The following EIF2D variants were observed in gnomAD, a reference collection of about 807,000 sequenced individuals.
EIF2D encodes the protein eukaryotic translation initiation factor 2D.
A neutral mutation model predicts 77.4 loss-of-function variants in EIF2D; 56 were observed. The observed-to-expected ratio is 0.72, with a 90% confidence interval of 0.58 to 0.90. The LOEUF is 0.90. Among genes scored for constraint, EIF2D ranks in the 40% least tolerant of loss-of-function variants. The pLI is 0.00. For synonymous variants in EIF2D, 230 were observed against 271.0 expected (o/e 0.85, Z 1.49); for missense variants, 574 against 706.5 (o/e 0.81, Z 2.13).
At position 206,599,506 on chromosome 1, in the gene EIF2D, C is replaced by T. The variant is rs1669814071; in HGVS notation, c.1159G>A (p.Val387Ile). Reference protein sequence around the residue: ...HPPDIKPLYCVPASMTLLFQE... With the variant: ...HPPDIKPLYCIPASMTLLFQE... ...AAGAGCAGGGTCATGCTGGCTGGGA[C>T]ACAGTAGAGGGGTTTTATATCTGGA... The change falls in exon 10 of 15, where the codon GTC becomes ATC. Residue 387 changes from valine to isoleucine, a missense_variant. Physicochemically the swap from Val to Ile is conservative, Grantham distance 29. Transcript: ENST00000271764. The surrounding 1 kb of genome is among the most constrained non-coding windows in gnomAD (Gnocchi z 4.1). The T allele has an allele frequency of 6.2e-7, 1 of 1,613,838 alleles. No individual in the cohort carries two copies. Among genetic ancestry groups the T allele is most frequent in the African/African-American group, 1.3e-5 (1 of 75,010 alleles).
At chr1:206,582,597 TCTC>T (rs1225585100) in intron 2 of EIF2D, among the ~76,000 whole-genome samples, 9 of 152,346 alleles carry the variant, frequency 5.9e-5, no homozygotes, top group African/African-American at 1.9e-4. Flanking sequence ...TAGCGGTTTA[TCTC>T]CTCTTTTATG....
At chr1:206,583,567 G>A in intron 2 of EIF2D, 1 of 577,762 alleles carries the variant, frequency 1.7e-6, no homozygotes, top group Non-Finnish European at 3.1e-6. Context: ...TGTGCTTTAG[G>A]GAAATAGATC....
Position 206,579,898 on chromosome 1 carries a change from C to G in EIF2D, c.*254+794G>C, listed in dbSNP as rs1553405917. On this transcript the variant is annotated intron_variant and NMD_transcript_variant, in intron 4 of 5. Transcript: ENST00000472709. This position sits in a 1 kb window ranked among gnomAD's most constrained non-coding sequence, Gnocchi z 4.2. ...GAGGTGATTCATTTGGTCCATGGGTCACATCTTGTCTGCCAGATATTTTTG... is the reference window on the plus strand; with the variant it reads ...GAGGTGATTCATTTGGTCCATGGGTGACATCTTGTCTGCCAGATATTTTTG... Among the ~76,000 whole-genome samples, 1 of 152,202 alleles carries G rather than the reference C, an allele frequency of 6.6e-6. No homozygotes were observed. Among genetic ancestry groups the G allele is most frequent in the African/African-American group, 2.4e-5 (1 of 41,448 alleles).
At chr1:206,593,506 A>AGAGTGTGTGTGT (rs1669479791) in intron 14 of EIF2D, 113 bp downstream of exon 14, 2 of 442,730 alleles carry the variant, frequency 4.5e-6, no homozygotes, top group Non-Finnish European at 7.2e-6. Flanking sequence ...AGAGAGAGAG[A>AGAGTGTGTGTGT]GAGTGTGTGT....
intron 5 of EIF2D, among the ~76,000 whole-genome samples, chr1:206,572,186 G>A (rs936150774): frequency 4.8e-5 from 7 of 146,844 alleles, no homozygotes; most frequent in East Asian, 4.2e-4. Flanking sequence ...GGGTGCATGC[G>A]TGTTACTGCT....
Position 206,599,497 on chromosome 1 carries a change from T to G in EIF2D, c.1168A>C (p.Ser390Arg), listed in dbSNP as rs1669813516. ...GACTCCTGGAAGAGCAGGGTCATGCTGGCTGGGACACAGTAGAGGGGTTTT... is the reference window on the plus strand; with the variant it reads ...GACTCCTGGAAGAGCAGGGTCATGCGGGCTGGGACACAGTAGAGGGGTTTT... ...DIKPLYCVPA[S>R]MTLLFQESGH... The change falls in exon 10 of 15, where the codon AGC (serine) becomes CGC (arginine). Residue 390 changes from serine to arginine, a missense_variant. Ser to Arg is a moderately radical substitution (Grantham distance 110, BLOSUM62 -1). Coordinates refer to ENST00000271764, the MANE Select transcript of EIF2D (RefSeq NM_006893.3). This position sits in a 1 kb window ranked among gnomAD's most constrained non-coding sequence, Gnocchi z 4.1. The G allele has an allele frequency of 6.2e-7, 1 of 1,613,862 alleles. No homozygotes were observed. The highest frequency in any genetic ancestry group is 2.2e-5 in the East Asian group (1 of 44,896).
chr1:206,574,014 C>G (rs538172499), intron 4 of EIF2D, among the ~76,000 whole-genome samples: 5 of 152,348 alleles, frequency 3.3e-5, no homozygotes, highest in African/African-American at 1.2e-4. Context: ...TAAATGAGAT[C>G]AGGACCTTGA....
At chr1:206,585,180 T>C (rs1292180361) in intron 2 of EIF2D, 4 of 1,612,540 alleles carry the variant, frequency 2.5e-6, no homozygotes, top group Non-Finnish European at 3.4e-6. Context: ...TGGTTTGCAG[T>C]GCTCTTCCAG....
intron 8 of EIF2D, among the ~76,000 whole-genome samples, 199 bp from the exon 9 acceptor site, chr1:206,600,035 T>C (rs1669846400): frequency 1.3e-5 from 2 of 152,062 alleles, no homozygotes; most frequent in Non-Finnish European, 2.9e-5. Context: ...AGTGAGGCCG[T>C]TCAGAACTCT....
In EIF2D at chr1:206,593,659, G is replaced by C; in HGVS notation, c.1644C>G (p.Ile548Met). Residue 548 changes from isoleucine to methionine, a missense_variant, in exon 14 of 15, where the codon ATC (isoleucine) becomes ATG (methionine). Coordinates refer to ENST00000271764, the MANE Select transcript of EIF2D (RefSeq NM_006893.3). ...PGAKDSLQVQ[I>M]QGNQVHHLGW... is the part of the protein sequence containing the mutation. ...CGAGGTGGTGGACCTGGTTTCCCTG[G>C]ATCTGCACCTGAAGGCTGTCCTTGG... The C allele has an allele frequency of 6.2e-7, 1 of 1,613,222 alleles. No individual in the cohort carries two copies. Among genetic ancestry groups the C allele is most frequent in the Middle Eastern group, 1.7e-4 (1 of 6,018 alleles).
chr1:206,582,814 C>A (rs1668946196), intron 2 of EIF2D, among the ~76,000 whole-genome samples: 1 of 152,220 alleles, frequency 6.6e-6, no homozygotes, highest in South Asian at 2.1e-4. Context: ...AGACGCCTGT[C>A]CCTCCAGCTG....
intron 5 of EIF2D, 66 bp downstream of exon 5, chr1:206,605,334 T>C (rs1364083897): frequency 2.3e-6 from 3 of 1,285,042 alleles, no homozygotes; most frequent in East Asian, 4.8e-5. Flanking sequence ...CACTCCTGAA[T>C]CACAGGCCCC....
rs570469257 is a variant in EIF2D at position 206,599,242 on chromosome 1, C to A, written c.1203-150G>T. 4 of 882,818 alleles carry A rather than the reference C, an allele frequency of 4.5e-6. No homozygotes were observed. The East Asian group carries it at 7.6e-5, about 17-fold the overall frequency. 54.7% of individuals were successfully genotyped at this position (882,818 alleles called of 1,614,324 possible). On this transcript the variant is annotated intron_variant, in intron 10 of 14. Transcript: ENST00000271764. The surrounding 1 kb of genome is among the most constrained non-coding windows in gnomAD (Gnocchi z 4.1). ...CTTTTCCTGACTGAAGTGAGCATGA[C>A]CATGTGAAGAATAATTACACGCAGA...
Position 206,584,898 on chromosome 1 carries a change from C to G in EIF2D, c.139-3736G>C. On this transcript the variant is annotated intron_variant and NMD_transcript_variant, in intron 2 of 5. Transcript: ENST00000472709. This position sits in a 1 kb window ranked among gnomAD's most constrained non-coding sequence, Gnocchi z 4.9. ...CATGTGACTTCAGGAAAACCACACC[C>G]TAGGCTCCCATTTCCTGATCTGTGC... The G allele has an allele frequency of 1.7e-6, 1 of 605,556 alleles. No homozygotes were observed. The highest frequency in any genetic ancestry group is 2.0e-5 in the South Asian group (1 of 50,016). The allele number at this position is 605,556 out of a possible 1,614,324, so 37.5% of individuals were successfully genotyped here.
chr1:206,608,658 A>G (rs1308649908), intron 3 of EIF2D, among the ~76,000 whole-genome samples: 2 of 152,196 alleles, frequency 1.3e-5, no homozygotes, highest in African/African-American at 4.8e-5. Flanking sequence ...CCCATCCAAT[A>G]GCAGGACATT....
At chr1:206,608,593 C>T (rs1670313540) in intron 3 of EIF2D, among the ~76,000 whole-genome samples, 1 of 152,216 alleles carries the variant, frequency 6.6e-6, no homozygotes, top group Non-Finnish European at 1.5e-5. Flanking sequence ...GTTTGAGTGT[C>T]CTGGCCGGGC....
At chr1:206,581,467 T>C (rs1160591164) in intron 2 of EIF2D, among the ~76,000 whole-genome samples, 1 of 151,994 alleles carries the variant, frequency 6.6e-6, no homozygotes, top group Non-Finnish European at 1.5e-5. Flanking sequence ...GGTGTGGTGG[T>C]GCGCACCTGT....
At chr1:206,597,734 C>T (rs1246039580) in intron 11 of EIF2D, among the ~76,000 whole-genome samples, 2 of 152,146 alleles carry the variant, frequency 1.3e-5, no homozygotes, top group Admixed American at 1.3e-4. Context: ...CACTTGAGGT[C>T]AGGAGTTCAA....
rs1489044078 is a variant in EIF2D, at chr1:206,579,983, T to C, written c.*254+709A>G. The stretch of plus-strand genomic sequence containing the variant: ...TTCCATGGCTGTGACATTCGTAGTG[T>C]TGGCTACACACGGGGCTCCTGGCAC... On this transcript the variant is annotated intron_variant and NMD_transcript_variant, in intron 4 of 5. Coordinates refer to the EIF2D transcript ENST00000472709. This position sits in a 1 kb window ranked among gnomAD's most constrained non-coding sequence, Gnocchi z 4.2. 2.0e-5 allele frequency among the ~76,000 whole-genome samples: 3 copies of C among 152,316 alleles called. No individual in the cohort carries two copies. Among genetic ancestry groups the C allele is most frequent in the East Asian group, 3.9e-4 (2 of 5,190 alleles).
Sources: gnomAD v4.1 joint callset for allele counts (sites outside exome capture counted in the v4.1 genomes callset) on GRCh38, gnomAD v4.1.1 for gene constraint, Gnocchi (gnomAD v3.1) non-coding constraint, MANE v1.5 for transcripts, NCBI Gene and HGNC (gene_info 2026-07-23, HGNC 2026-07-21) for gene names.